The following EXOC4 variants were observed in gnomAD, a reference collection of about 807,000 sequenced individuals.
EXOC4 encodes SEC8-like 1.
In EXOC4, 71 loss-of-function variants were observed where a neutral mutation model predicts 107.2. The ratio of observed to expected loss-of-function variants is 0.66; its 90% confidence interval spans 0.55 to 0.81. EXOC4 has a LOEUF of 0.81. EXOC4 is among the 30% of genes least tolerant of loss of function. The pLI is 0.00. For missense variants in EXOC4, 1,108 were observed against 1,189.6 expected, an observed-to-expected ratio of 0.93 and a Z score of 1.01; for synonymous variants, 456 against 441.2, an observed-to-expected ratio of 1.03 and a Z score of -0.42.
At position 133,756,665 on chromosome 7, in the gene EXOC4, C is replaced by T. The variant is rs1396113007; in HGVS notation, c.1515-60660C>T. On this transcript the variant is annotated intron_variant, in intron 10 of 17. Transcript: ENST00000253861. ...GGGATCAAGAATCTTTTGCCCTAAG[C>T]ACAGGAAAGAAAAATTTATGGAAAT... 2.6e-5 allele frequency among the ~76,000 whole-genome samples: 4 copies of T among 152,196 alleles called. No homozygotes were observed. In the East Asian group the frequency reaches 5.8e-4, roughly 22 times the overall value.
intron 7 of EXOC4, among the ~76,000 whole-genome samples, chr7:133,399,938 A>G (rs1483951389): frequency 6.6e-6 from 1 of 152,222 alleles, no homozygotes; most frequent in Non-Finnish European, 1.5e-5. Context: ...TTGAGAGTTA[A>G]GTAGAGGTCA....
At chr7:133,364,302 AG>A (rs765316635) in intron 6 of EXOC4, among the ~76,000 whole-genome samples, 1 of 151,360 alleles carries the variant, frequency 6.6e-6, no homozygotes, top group Non-Finnish European at 1.5e-5. Context: ...AGCTATTTAA[AG>A]TATTTTTTTT....
chr7:133,346,980 C>T lies in EXOC4; in HGVS notation c.764-9350C>T, dbSNP rs181493666. On this transcript the variant is annotated intron_variant, in intron 5 of 17. Transcript: ENST00000253861. ...GCCCTTATTTTCTGGGGTTTGGTGACGTGTATGTGTGGTATGGCATATATT... is the reference window on the plus strand; with the variant it reads ...GCCCTTATTTTCTGGGGTTTGGTGATGTGTATGTGTGGTATGGCATATATT... 2.6e-5 allele frequency among the ~76,000 whole-genome samples: 4 copies of T among 152,056 alleles called. No individual in the cohort carries two copies. In the East Asian group the frequency reaches 7.7e-4, roughly 29 times the overall value.
At chr7:133,781,821 T>C (rs1796474623) in intron 10 of EXOC4, among the ~76,000 whole-genome samples, 1 of 152,194 alleles carries the variant, frequency 6.6e-6, no homozygotes, top group Non-Finnish European at 1.5e-5. Context: ...TCTTAATGCC[T>C]TTGGCCAAGT....
chr7:133,933,562 T>C (rs1277590101), intron 13 of EXOC4, among the ~76,000 whole-genome samples: 1 of 152,226 alleles, frequency 6.6e-6, no homozygotes, highest in Non-Finnish European at 1.5e-5. Flanking sequence ...GTGTCTTCAT[T>C]AAATAATGTG....
chr7:133,594,968 G>A (rs1801633053), intron 9 of EXOC4, among the ~76,000 whole-genome samples: 1 of 152,168 alleles, frequency 6.6e-6, no homozygotes, highest in African/African-American at 2.4e-5. Flanking sequence ...CAATGGTCAG[G>A]GAATGCTTCC....
intron 14 of EXOC4, among the ~76,000 whole-genome samples, chr7:133,961,627 A>G (rs1444691285): frequency 6.6e-6 from 1 of 152,182 alleles, no homozygotes; most frequent in Non-Finnish European, 1.5e-5. Context: ...TTGTAAGATA[A>G]TAAATGGATG....
chr7:133,800,076 C>T (rs1274631734), intron 10 of EXOC4, among the ~76,000 whole-genome samples: 1 of 137,016 alleles, frequency 7.3e-6, no homozygotes, highest in African/African-American at 2.7e-5. Context: ...TCTTTCCTCC[C>T]TCTCTACATT....
chr7:133,923,128 C>CTT (rs35715979), intron 13 of EXOC4, among the ~76,000 whole-genome samples: 2,034 of 126,490 alleles, frequency 0.016, 62 homozygotes, highest in African/African-American at 0.04. Flanking sequence ...AGAGTTTACA[C>CTT]TTTTTTTTTT....
At chr7:133,806,354 G>GCA (rs1797077140) in intron 10 of EXOC4, among the ~76,000 whole-genome samples, 10 of 152,156 alleles carry the variant, frequency 6.6e-5, no homozygotes, top group Admixed American at 6.5e-4. Context: ...GAGTGCAGCA[G>GCA]CGAAGAGCTC....
At chr7:133,921,767 A>G (rs1377911019) in intron 13 of EXOC4, among the ~76,000 whole-genome samples, 1 of 152,086 alleles carries the variant, frequency 6.6e-6, no homozygotes, top group Non-Finnish European at 1.5e-5. Context: ...TATTGCTTCA[A>G]ATATTTATTC....
At chr7:133,700,169 T>A (rs1794626066) in intron 10 of EXOC4, among the ~76,000 whole-genome samples, 1 of 152,200 alleles carries the variant, frequency 6.6e-6, no homozygotes, top group Non-Finnish European at 1.5e-5. Context: ...GTTAATAGTA[T>A]TTTTTACTTT....
intron 7 of EXOC4, among the ~76,000 whole-genome samples, chr7:133,464,804 TG>T (rs1563075855): frequency 0.12 from 5,438 of 46,324 alleles, 479 homozygotes; most frequent in Admixed American, 0.17. Flanking sequence ...TTTTGTTGGT[TG>T]GGTTGGTTTT....
At chr7:133,835,857 A>G (rs1323736610) in intron 11 of EXOC4, among the ~76,000 whole-genome samples, 1 of 152,220 alleles carries the variant, frequency 6.6e-6, no homozygotes, top group Non-Finnish European at 1.5e-5. Flanking sequence ...TTTCTCAACC[A>G]GCTTTATCTA....
chr7:133,253,118 CTGG>C lies in EXOC4; in HGVS notation c.21_23del (p.Gly8del). On this transcript the variant is annotated inframe_deletion, in exon 1 of 18. Transcript: ENST00000253861. ...GCGTCCAAGATGGCGGCAGAAGCAG[CTGG>C]TGGGAAATACAGAAGCACAGTCAGC... 1 of 1,614,168 alleles carries C rather than the reference CTGG, an allele frequency of 6.2e-7. No homozygotes were observed. Among genetic ancestry groups the C allele is most frequent in the South Asian group, 1.1e-5 (1 of 91,090 alleles).
Position 133,672,197 on chromosome 7 carries a change from C to T in EXOC4, c.1514+42056C>T, listed in dbSNP as rs539113892. 1.6e-4 allele frequency among the ~76,000 whole-genome samples: 24 copies of T among 152,068 alleles called. 1 individual carries two copies. In the South Asian group the frequency reaches 4.4e-3, roughly 28 times the overall value. The stretch of plus-strand genomic sequence containing the variant: ...ATGAGGTCAGGAGATTGAGACCATC[C>T]TGGCTAACATGGTGAAACCCCGTCT... On this transcript the variant is annotated intron_variant, in intron 10 of 17. Coordinates refer to ENST00000253861, the MANE Select transcript of EXOC4 (RefSeq NM_021807.4).
intron 7 of EXOC4, among the ~76,000 whole-genome samples, chr7:133,392,488 T>G (rs1796875450): frequency 6.6e-6 from 1 of 152,128 alleles, no homozygotes; most frequent in African/African-American, 2.4e-5. Context: ...GGTCAGTGTC[T>G]TCTTCAGATA....
At chr7:133,917,446 C>T in intron 12 of EXOC4, 137 bp from the exon 13 acceptor site, 1 of 787,732 alleles carries the variant, frequency 1.3e-6, no homozygotes, top group Non-Finnish European at 2.0e-6. Flanking sequence ...GTATCATGGA[C>T]TCCAACTTAG....
intron 10 of EXOC4, among the ~76,000 whole-genome samples, chr7:133,723,283 C>T (rs1467187066): frequency 3.9e-5 from 6 of 152,188 alleles, no homozygotes; most frequent in Non-Finnish European, 8.8e-5. Context: ...CGCCTTTGGG[C>T]AGTTTCTGCT....
Sources: allele counts gnomAD v4.1 joint callset (sites outside exome capture counted in the v4.1 genomes callset), GRCh38; gene constraint gnomAD v4.1.1; transcripts MANE v1.5; gene names NCBI Gene and HGNC (gene_info 2026-07-23, HGNC 2026-07-21).